CTNNA2: variants seen among roughly 807,000 people sequenced by gnomAD.
The protein encoded by CTNNA2 is catenin alpha 2.
CTNNA2 carries 42 observed loss-of-function variants against 101.0 expected under a neutral mutation model. That is an observed-to-expected ratio of 0.42 (90% CI 0.32 to 0.54). CTNNA2 has a LOEUF of 0.54. CTNNA2 is among the 20% of genes least tolerant of loss of function. CTNNA2 has a pLI of 0.14. For missense variants in CTNNA2, 871 were observed against 1,223.1 expected (o/e 0.71, Z 4.29); for synonymous variants, 450 against 456.4 (o/e 0.99, Z 0.18).
At chr2:79,757,054 C>T (rs990337454) in intron 3 of CTNNA2, among the ~76,000 whole-genome samples, 18 of 152,192 alleles carry the variant, frequency 1.2e-4, no homozygotes, top group Non-Finnish European at 2.5e-4. Context: ...TCAGTAATCA[C>T]AACCCTACAT....
intron 7 of CTNNA2, among the ~76,000 whole-genome samples, chr2:80,152,451 A>G (rs1703766875): frequency 6.6e-6 from 1 of 152,060 alleles, no homozygotes; most frequent in African/African-American, 2.4e-5. Context: ...CATTATAATC[A>G]CATTAACCTC....
At chr2:79,895,692 A>AT (rs70940058) in intron 6 of CTNNA2, among the ~76,000 whole-genome samples, 48,503 of 140,340 alleles carry the variant, frequency 0.35, 8,850 homozygotes, top group East Asian at 0.59. Flanking sequence ...AAATTTCTTA[A>AT]TTTTTTTTTT....
intron 11 of CTNNA2, among the ~76,000 whole-genome samples, chr2:80,553,149 G>C (rs1383093066): frequency 4.0e-5 from 6 of 151,430 alleles, no homozygotes; most frequent in African/African-American, 1.5e-4. Context: ...TCCTGAACTT[G>C]GCAGACTGAG....
intron 7 of CTNNA2, among the ~76,000 whole-genome samples, chr2:80,185,634 C>T (rs1706074106): frequency 6.6e-6 from 1 of 152,176 alleles, no homozygotes; most frequent in African/African-American, 2.4e-5. Context: ...TGGAAAGGGT[C>T]TATGGAATGG....
chr2:80,026,343 T>C (rs913574992), intron 7 of CTNNA2, among the ~76,000 whole-genome samples: 1 of 152,122 alleles, frequency 6.6e-6, no homozygotes, highest in African/African-American at 2.4e-5. Context: ...GATCCAAGGA[T>C]TCAATGACCC....
At chr2:80,526,401 T>C (rs946094200) in intron 9 of CTNNA2, among the ~76,000 whole-genome samples, 1 of 152,174 alleles carries the variant, frequency 6.6e-6, no homozygotes, top group African/African-American at 2.4e-5. Context: ...AGTTTCGCCA[T>C]GTTGGCCAGG....
At chr2:79,651,451 CA>C in intron 1 of CTNNA2, 100 bp from the exon 2 acceptor site, 1 of 1,094,814 alleles carries the variant, frequency 9.1e-7, no homozygotes, top group Non-Finnish European at 1.4e-6. Context: ...GGCTATCTTC[CA>C]GTATGTTCTA....
chr2:79,495,288 T>C (rs936402199), intron 4 of CTNNA2, among the ~76,000 whole-genome samples: 3 of 152,188 alleles, frequency 2.0e-5, no homozygotes, highest in African/African-American at 2.4e-5. Context: ...ATTTGAATAA[T>C]GTAATTTTTA....
intron 7 of CTNNA2, among the ~76,000 whole-genome samples, chr2:79,927,584 G>A (rs1687109539): frequency 6.6e-6 from 1 of 152,134 alleles, no homozygotes; most frequent in African/African-American, 2.4e-5. Flanking sequence ...TTCATGAGAT[G>A]TATTTATCAA....
intron 7 of CTNNA2, among the ~76,000 whole-genome samples, chr2:80,326,623 A>G (rs1212967909): frequency 6.6e-6 from 1 of 152,134 alleles, no homozygotes; most frequent in Non-Finnish European, 1.5e-5. Flanking sequence ...ACAAAATCAC[A>G]AATTAGCCAA....
intron 2 of CTNNA2, among the ~76,000 whole-genome samples, chr2:79,656,479 A>G (rs1347528637): frequency 6.6e-6 from 1 of 152,166 alleles, no homozygotes; most frequent in Admixed American, 6.5e-5. Flanking sequence ...GAAAAACAGA[A>G]GTTATGGGGT....
At chr2:80,517,434 T>A (rs1204242979) in intron 9 of CTNNA2, among the ~76,000 whole-genome samples, 1 of 152,192 alleles carries the variant, frequency 6.6e-6, no homozygotes, top group African/African-American at 2.4e-5. Flanking sequence ...AGTGGTCTGC[T>A]GCTGCCATGG....
At chr2:80,450,122 T>C (rs1683380624) in intron 9 of CTNNA2, among the ~76,000 whole-genome samples, 1 of 152,194 alleles carries the variant, frequency 6.6e-6, no homozygotes, top group African/African-American at 2.4e-5. Flanking sequence ...TCACAAACCT[T>C]GATTTACAGA....
At chr2:80,469,659 T>C (rs1472635733) in intron 9 of CTNNA2, among the ~76,000 whole-genome samples, 1 of 152,146 alleles carries the variant, frequency 6.6e-6, no homozygotes, top group Admixed American at 6.5e-5. Context: ...TTGGATTTCA[T>C]TGCAGAGTTT....
intron 1 of CTNNA2, among the ~76,000 whole-genome samples, chr2:79,624,797 G>A (rs1197423913): frequency 6.6e-6 from 1 of 152,176 alleles, no homozygotes; most frequent in Admixed American, 6.5e-5. Context: ...GATCAGTTCT[G>A]GTGAGAAGTG....
chr2:79,465,935 C>T (rs1255651025), intron 4 of CTNNA2, among the ~76,000 whole-genome samples: 1 of 152,138 alleles, frequency 6.6e-6, no homozygotes, highest in African/African-American at 2.4e-5. Flanking sequence ...AGGAACAGCT[C>T]CAGTCTACAG....
chr2:80,494,294 C>T lies in CTNNA2; in HGVS notation c.1291-50688C>T, dbSNP rs566206559. ...AATGATACTAACTGAAAAGAAAAGG[C>T]AAAGTCACTGGACAGGAAGCACACA... On this transcript the variant is annotated intron_variant, in intron 9 of 18. Transcript: ENST00000402739. 3.3e-5 allele frequency among the ~76,000 whole-genome samples: 5 copies of T among 152,246 alleles called. No individual in the cohort carries two copies. In the East Asian group the frequency reaches 9.7e-4, roughly 29 times the overall value.
chr2:79,492,438 A>T (rs1671214253), intron 4 of CTNNA2, among the ~76,000 whole-genome samples: 1 of 152,000 alleles, frequency 6.6e-6, no homozygotes, highest in Admixed American at 6.6e-5. Flanking sequence ...TCAAACATAT[A>T]GAATGTATAA....
chr2:80,553,288 T>C (rs1692749753), intron 11 of CTNNA2, among the ~76,000 whole-genome samples: 2 of 152,048 alleles, frequency 1.3e-5, no homozygotes, highest in Non-Finnish European at 2.9e-5. Flanking sequence ...ACTAATACTT[T>C]GTACAACATT....
Sources: gnomAD v4.1 joint callset for allele counts (sites outside exome capture counted in the v4.1 genomes callset) on GRCh38, gnomAD v4.1.1 for gene constraint, MANE v1.5 for transcripts, NCBI Gene and HGNC (gene_info 2026-07-23, HGNC 2026-07-21) for gene names.